Variants in PITPNM2 observed in about 807,000 individuals in gnomAD.
PITPNM2 encodes membrane-associated phosphatidylinositol transfer protein 2.
PITPNM2 carries 35 observed loss-of-function variants against 132.2 expected under a neutral mutation model. The observed-to-expected ratio is 0.26, with a 90% CI of 0.20 to 0.35. The LOEUF is 0.35. PITPNM2 is among the 10% of genes least tolerant of loss of function. PITPNM2 has a pLI of 1.00. For synonymous variants in PITPNM2, 738 were observed against 799.2 expected (o/e 0.92, Z 1.29); for missense variants, 1,332 against 1,912.0 (o/e 0.70, Z 5.66).
Position 123,150,451 on chromosome 12 carries a change from G to T in PITPNM2, c.-200+302C>A, listed in dbSNP as rs999884229. Among the ~76,000 whole-genome samples the T allele has an allele frequency of 6.6e-6, 1 of 152,040 alleles. No individual in the cohort carries two copies. Among genetic ancestry groups the T allele is most frequent in the Admixed American group, 6.6e-5 (1 of 15,260 alleles). ...GCTATGACACTTGTCCCTGGCGGGG[G>T]TCCCCCACGCGGTCGCGACCGACGG... On this transcript the variant is annotated intron_variant, in intron 1 of 25. Transcript: ENST00000320201. This position sits in a 1 kb window ranked among gnomAD's most constrained non-coding sequence, Gnocchi z 6.0.
rs868146177 is a variant in PITPNM2 at position 122,988,860 on chromosome 12, C to G, written c.2744G>C (p.Trp915Ser). 82 of 1,566,196 alleles carry G rather than the reference C, an allele frequency of 5.2e-5. No homozygotes were observed. The highest frequency in any genetic ancestry group is 6.7e-5 in the Non-Finnish European group (77 of 1,154,968). ...ELDIGEVAAK[W>S]WGQKRIDYAL... ...GTAGTCGATCCGCTTCTGGCCCCAC[C>G]ACTTTGCAGCGACTGCCAGGAGGGG... Residue 915 changes from tryptophan to serine, a missense_variant, in exon 19 of 26, where the codon TGG becomes TCG. Trp to Ser is a radical substitution (Grantham distance 177, BLOSUM62 -3). Transcript: ENST00000320201.
At chr12:123,119,253 G>A (rs2042987792) in intron 1 of PITPNM2, among the ~76,000 whole-genome samples, 1 of 152,126 alleles carries the variant, frequency 6.6e-6, no homozygotes, top group Non-Finnish European at 1.5e-5. Flanking sequence ...ATTTGTGTTT[G>A]AAGCAGCTTC....
intron 3 of PITPNM2, among the ~76,000 whole-genome samples, chr12:123,019,123 T>C (rs1253712009): frequency 6.6e-6 from 1 of 152,116 alleles, no homozygotes. Context: ...TGCTCTGGAA[T>C]TAGGTAGTGG....
chr12:123,037,738 C>T (rs2040325685), intron 2 of PITPNM2, among the ~76,000 whole-genome samples: 1 of 152,286 alleles, frequency 6.6e-6, no homozygotes, highest in South Asian at 2.1e-4. Context: ...AAGGTAGGAC[C>T]CCCTGAGCCA....
At chr12:123,026,116 C>T (rs1238274075) in intron 3 of PITPNM2, among the ~76,000 whole-genome samples, 1 of 152,228 alleles carries the variant, frequency 6.6e-6, no homozygotes, top group Admixed American at 6.5e-5. Flanking sequence ...CTAGTCCCAA[C>T]TCTGTGACCA....
intron 1 of PITPNM2, among the ~76,000 whole-genome samples, chr12:123,116,043 A>T (rs997629994): frequency 1.3e-5 from 2 of 152,134 alleles, no homozygotes; most frequent in Non-Finnish European, 2.9e-5. Context: ...GTTGCCGGGG[A>T]CTGTTACTTT....
At chr12:123,054,093 T>C (rs1334297938) in intron 2 of PITPNM2, among the ~76,000 whole-genome samples, 2 of 152,138 alleles carry the variant, frequency 1.3e-5, no homozygotes, top group Admixed American at 6.5e-5. Context: ...ATATCATCAA[T>C]TTATTTATTT....
At chr12:123,091,337 A>C (rs61955225) in intron 2 of PITPNM2, 2,979 of 152,392 alleles carry the variant, frequency 0.02, 70 homozygotes, top group Non-Finnish European at 0.024. Flanking sequence ...AGAAGGCGTC[A>C]GTCCCACCAG....
At chr12:123,051,125 G>A (rs7132517) in intron 2 of PITPNM2, among the ~76,000 whole-genome samples, 13,879 of 152,214 alleles carry the variant, frequency 0.091, 2,119 homozygotes, top group African/African-American at 0.31. Context: ...ACCCCTCGCT[G>A]ACACCTTGTC....
intron 2 of PITPNM2, among the ~76,000 whole-genome samples, chr12:123,046,218 T>C (rs1484496592): frequency 6.6e-6 from 1 of 152,062 alleles, no homozygotes; most frequent in Non-Finnish European, 1.5e-5. Flanking sequence ...CCAGTGTGAA[T>C]GGCCCCCTCC....
Position 122,992,602 on chromosome 12 carries a change from T to A in PITPNM2, c.2301A>T (p.Ser767=), listed in dbSNP as rs909345166. ...NLFHPADPSA[S]RLEPLLERRF... is the part of the protein sequence containing the mutation. The stretch of plus-strand genomic sequence containing the variant: ...GCCGTTCCAGCAGCGGCTCCAGGCG[T>A]GAAGCTGACGGGTCCGCGGGGTGGA... The change falls in exon 16 of 26, where the codon TCA becomes TCT. Residue 767 remains serine (S), a synonymous_variant. Coordinates refer to ENST00000320201, the MANE Select transcript of PITPNM2 (RefSeq NM_020845.3). This position sits in a 1 kb window ranked among gnomAD's most constrained non-coding sequence, Gnocchi z 6.5. 3 of 1,610,226 alleles carry A rather than the reference T, an allele frequency of 1.9e-6. No homozygotes were observed. Among genetic ancestry groups the A allele is most frequent in the Admixed American group, 1.7e-5 (1 of 59,640 alleles).
At position 123,137,120 on chromosome 12, in the gene PITPNM2, C is replaced by T. The variant is rs145714392; in HGVS notation, c.-200+13633G>A. 2.8e-3 allele frequency among the ~76,000 whole-genome samples: 430 copies of T among 152,272 alleles called. 10 individuals are homozygous for T. The East Asian group carries it at 0.061, about 22-fold the overall frequency. On this transcript the variant is annotated intron_variant, in intron 1 of 25. Coordinates refer to ENST00000320201, the MANE Select transcript of PITPNM2 (RefSeq NM_020845.3). ...TTCCGCTCTGAGCCAGCCACCCAGG[C>T]GGCTGCCCATGTCATCCTCCTGGAT... is the stretch of plus-strand genomic sequence containing the variant.
rs985641346 is a variant in PITPNM2, at chr12:123,078,007, C to T, written c.-96+32378G>A. Among the ~76,000 whole-genome samples the T allele has an allele frequency of 7.9e-5, 12 of 151,034 alleles. No homozygotes were observed. The highest frequency in any genetic ancestry group is 4.9e-5 in the African/African-American group (2 of 41,192). On this transcript the variant is annotated intron_variant, in intron 2 of 25. Transcript: ENST00000320201. The surrounding 1 kb of genome is among the most constrained non-coding windows in gnomAD (Gnocchi z 7.3). Reference sequence around the variant, plus strand: ...GAGACAGAGGACACTGAGGAGCACGCGTGTCCCCAGGATGGGTGGACGGAG... The same window carrying T: ...GAGACAGAGGACACTGAGGAGCACGTGTGTCCCCAGGATGGGTGGACGGAG...
At chr12:123,059,482 T>C (rs2041160997) in intron 2 of PITPNM2, among the ~76,000 whole-genome samples, 1 of 152,228 alleles carries the variant, frequency 6.6e-6, no homozygotes, top group Non-Finnish European at 1.5e-5. Flanking sequence ...TCTGGCCCTT[T>C]AGCACCTGGC....
At chr12:123,066,131 C>T (rs2041403907) in intron 2 of PITPNM2, among the ~76,000 whole-genome samples, 1 of 152,166 alleles carries the variant, frequency 6.6e-6, no homozygotes. Flanking sequence ...GAGATGAAAG[C>T]TCTTGCAGGT....
At chr12:123,040,682 T>C (rs867630959) in intron 2 of PITPNM2, among the ~76,000 whole-genome samples, 29 of 152,038 alleles carry the variant, frequency 1.9e-4, no homozygotes, top group Middle Eastern at 3.4e-3. Context: ...ATGTAGAACA[T>C]GATACTTTTT....
At chr12:123,039,004 G>A (rs1192134047) in intron 2 of PITPNM2, among the ~76,000 whole-genome samples, 2 of 150,926 alleles carry the variant, frequency 1.3e-5, no homozygotes, top group African/African-American at 4.9e-5. Flanking sequence ...AGACACTTGG[G>A]GAGGCTAAGG....
At chr12:123,085,852 C>T (rs1397892154) in intron 2 of PITPNM2, among the ~76,000 whole-genome samples, 1 of 152,186 alleles carries the variant, frequency 6.6e-6, no homozygotes, top group Non-Finnish European at 1.5e-5. Flanking sequence ...CCTGTCTTGT[C>T]ATGTATGAAC....
chr12:123,048,950 A>G (rs1389552726), intron 2 of PITPNM2, among the ~76,000 whole-genome samples: 1 of 152,146 alleles, frequency 6.6e-6, no homozygotes, highest in African/African-American at 2.4e-5. Flanking sequence ...CCTGGGCAAC[A>G]TAGTGAGACC....
Sources: allele counts gnomAD v4.1 joint callset (sites outside exome capture counted in the v4.1 genomes callset), GRCh38; gene constraint gnomAD v4.1.1; non-coding constraint Gnocchi (gnomAD v3.1); transcripts MANE v1.5; gene names NCBI Gene and HGNC (gene_info 2026-07-23, HGNC 2026-07-21).